The following DPP10 variants were observed in gnomAD, a reference collection of about 807,000 sequenced individuals.
DPP10 encodes the protein dipeptidyl peptidase like 10.
Under a neutral mutation model 120.9 loss-of-function variants are expected in DPP10, and 33 were observed. The ratio of observed to expected loss-of-function variants is 0.27; its 90% CI spans 0.21 to 0.37. DPP10 has a LOEUF of 0.37. Ranked by LOEUF, DPP10 falls within the 10% of genes least tolerant of loss-of-function variation. The pLI is 1.00. For synonymous variants in DPP10, 337 were observed against 326.1 expected, an observed-to-expected ratio of 1.03 and a Z score of -0.36; for missense variants, 816 against 942.8, an observed-to-expected ratio of 0.87 and a Z score of 1.76.
At chr2:115,176,656 C>G (rs550990150) in intron 1 of DPP10, among the ~76,000 whole-genome samples, 1 of 152,154 alleles carries the variant, frequency 6.6e-6, no homozygotes, top group Non-Finnish European at 1.5e-5. Context: ...AAGAGCCATA[C>G]TAGTAGTTGT....
At chr2:114,915,422 ACAG>A (rs1694731478) in intron 1 of DPP10, among the ~76,000 whole-genome samples, 1 of 152,234 alleles carries the variant, frequency 6.6e-6, no homozygotes, top group South Asian at 2.1e-4. Context: ...CACTCCACTG[ACAG>A]TGTTAGATAT....
rs558286209 is a variant in DPP10, at chr2:115,703,921, A to G, written c.576+14000A>G. 1.4e-3 allele frequency among the ~76,000 whole-genome samples: 208 copies of G among 151,984 alleles called. 2 individuals carry two copies. Among genetic ancestry groups the G allele is most frequent in the African/African-American group, 3.7e-3 (154 of 41,494 alleles). On this transcript the variant is annotated intron_variant, in intron 7 of 25. Coordinates refer to ENST00000410059, the MANE Select transcript of DPP10 (RefSeq NM_020868.6). ...TTAATTCAGAGCCTCATCATCTTTC[A>G]CCTAGATATTTTAGTAGCTTATTTT...
intron 21 of DPP10, among the ~76,000 whole-genome samples, chr2:115,828,591 TC>T (rs1184518813): frequency 6.6e-6 from 1 of 152,150 alleles, no homozygotes; most frequent in African/African-American, 2.4e-5. Context: ...TTCAGATAGT[TC>T]TGCTATGCCT....
chr2:115,161,858 G>A, intron 1 of DPP10: 1 of 1,051,300 alleles, frequency 9.5e-7, no homozygotes, highest in Non-Finnish European at 1.2e-6. Context: ...CGCCGATTCC[G>A]GGAGCGACGG....
intron 19 of DPP10, among the ~76,000 whole-genome samples, chr2:115,800,120 C>T (rs867875080): frequency 2.1e-4 from 32 of 150,910 alleles, no homozygotes; most frequent in South Asian, 6.3e-4. Context: ...TTTTAATGAT[C>T]GCCATTATAA....
chr2:115,120,265 G>A (rs1170900165), intron 1 of DPP10, among the ~76,000 whole-genome samples: 1 of 152,192 alleles, frequency 6.6e-6, no homozygotes, highest in South Asian at 2.1e-4. Flanking sequence ...ATGAGAAGGG[G>A]GGTTAATTGG....
At chr2:115,204,932 T>A (rs2056016807) in intron 1 of DPP10, among the ~76,000 whole-genome samples, 1 of 152,210 alleles carries the variant, frequency 6.6e-6, no homozygotes, top group South Asian at 2.1e-4. Flanking sequence ...GCCCATTTTT[T>A]AATGGGGTTG....
At chr2:114,547,355 C>A (rs1256464905) in intron 1 of DPP10, among the ~76,000 whole-genome samples, 1 of 152,202 alleles carries the variant, frequency 6.6e-6, no homozygotes, top group Non-Finnish European at 1.5e-5. Flanking sequence ...GCATGGGAGG[C>A]ATCGGGGTTG....
chr2:115,325,233 T>C (rs1214043331), intron 2 of DPP10, among the ~76,000 whole-genome samples: 1 of 152,142 alleles, frequency 6.6e-6, no homozygotes, highest in Non-Finnish European at 1.5e-5. Flanking sequence ...AAAGTGTAAT[T>C]GAGCAAAGCA....
chr2:115,154,512 C>A (rs1309099536), intron 1 of DPP10, among the ~76,000 whole-genome samples: 1 of 152,012 alleles, frequency 6.6e-6, no homozygotes. Flanking sequence ...CTATGTAATT[C>A]CTACATGTCA....
At chr2:115,395,013 A>G (rs888456450) in intron 3 of DPP10, among the ~76,000 whole-genome samples, 1 of 152,204 alleles carries the variant, frequency 6.6e-6, no homozygotes, top group Non-Finnish European at 1.5e-5. Context: ...ACAAAAGTTT[A>G]TGTTCTCAAA....
At chr2:114,497,416 T>TATGCATCTATATATATGCATATATATAG (rs1682764361) in intron 1 of DPP10, among the ~76,000 whole-genome samples, 1 of 88,110 alleles carries the variant, frequency 1.1e-5, no homozygotes, top group African/African-American at 3.3e-5. Context: ...TACACATACA[T>TATGCATCTATATATATGCATATATATAG]ATGCATCTAT....
At chr2:115,201,985 G>A (rs1166233864) in intron 1 of DPP10, among the ~76,000 whole-genome samples, 2 of 152,160 alleles carry the variant, frequency 1.3e-5, no homozygotes, top group Non-Finnish European at 2.9e-5. Flanking sequence ...TGAGGGTACT[G>A]CATGATTCAG....
At chr2:115,155,884 G>A (rs778384073) in intron 1 of DPP10, among the ~76,000 whole-genome samples, 8 of 152,184 alleles carry the variant, frequency 5.3e-5, no homozygotes, top group Non-Finnish European at 8.8e-5. Context: ...TTCTCTTGGC[G>A]TTTCCCTTCC....
intron 1 of DPP10, among the ~76,000 whole-genome samples, chr2:115,074,763 A>G (rs1707651685): frequency 6.6e-6 from 1 of 152,148 alleles, no homozygotes; most frequent in African/African-American, 2.4e-5. Flanking sequence ...TAGGAGGGAG[A>G]GCCAACAGGA....
intron 1 of DPP10, among the ~76,000 whole-genome samples, chr2:115,125,534 T>C (rs1573704399): frequency 6.6e-6 from 1 of 150,710 alleles, no homozygotes; most frequent in African/African-American, 2.4e-5. Context: ...CTTCCTCAAA[T>C]AGTGAGCCAC....
intron 1 of DPP10, among the ~76,000 whole-genome samples, chr2:114,831,764 C>G (rs1192226013): frequency 2.0e-5 from 3 of 151,468 alleles, no homozygotes; most frequent in Non-Finnish European, 4.4e-5. Flanking sequence ...CACATTCATA[C>G]TTCAAATGGT....
At chr2:115,499,688 G>T in intron 4 of DPP10, 84 bp downstream of exon 4, 1 of 918,136 alleles carries the variant, frequency 1.1e-6, no homozygotes, top group South Asian at 2.2e-5. Context: ...CTATTCTTCA[G>T]CTCCAGCATT....
chr2:114,626,840 G>C lies in DPP10; in HGVS notation c.60+184002G>C, dbSNP rs1432552701. ...CGTGTGATTTACGAGTTGGCATTAA[G>C]AGATCACTTAATACTTGCTGTTCTG... On this transcript the variant is annotated intron_variant, in intron 1 of 25. Transcript: ENST00000410059. Among the ~76,000 whole-genome samples, 9 of 152,106 alleles carry C rather than the reference G, an allele frequency of 5.9e-5. No individual in the cohort carries two copies. In the South Asian group the frequency reaches 1.9e-3, roughly 32 times the overall value.
Sources: allele counts gnomAD v4.1 joint callset (sites outside exome capture counted in the v4.1 genomes callset), GRCh38; gene constraint gnomAD v4.1.1; transcripts MANE v1.5; gene names NCBI Gene and HGNC (gene_info 2026-07-23, HGNC 2026-07-21).